Variants in IMPA2 observed in about 807,000 individuals in gnomAD.
The protein encoded by IMPA2 is inositol monophosphatase 2.
A neutral mutation model predicts 35.1 loss-of-function variants in IMPA2; 32 were observed. The ratio of observed to expected loss-of-function variants is 0.91; its 90% CI spans 0.69 to 1.23. The LOEUF (loss-of-function observed/expected upper bound fraction) is 1.23. Among genes scored for constraint, IMPA2 ranks in the 50% most tolerant of loss-of-function variants. IMPA2 has a pLI of 0.00. For missense variants in IMPA2, 334 were observed against 387.6 expected, an observed-to-expected ratio of 0.86 and a Z score of 1.16; for synonymous variants, 135 against 160.6, an observed-to-expected ratio of 0.84 and a Z score of 1.20.
intron 2 of IMPA2, among the ~76,000 whole-genome samples, chr18:12,001,210 CAG>C (rs1907107632): frequency 1.3e-5 from 2 of 151,974 alleles, no homozygotes; most frequent in South Asian, 4.2e-4. Context: ...GCCTGTGTGA[CAG>C]AGCAAGACTC....
intron 2 of IMPA2, among the ~76,000 whole-genome samples, chr18:12,005,062 A>G (rs1907213608): frequency 6.6e-6 from 1 of 152,232 alleles, no homozygotes. Context: ...TGGTGCCTCC[A>G]AAGACCGAGC....
intron 2 of IMPA2, among the ~76,000 whole-genome samples, chr18:12,001,210 C>A (rs1035746266): frequency 1.3e-5 from 2 of 151,974 alleles, no homozygotes; most frequent in African/African-American, 4.8e-5. Flanking sequence ...GCCTGTGTGA[C>A]AGAGCAAGAC....
At chr18:12,008,697 T>C in intron 2 of IMPA2, 1 of 379,092 alleles carries the variant, frequency 2.6e-6, no homozygotes, top group South Asian at 1.9e-5. Flanking sequence ...GAGAGTGCTT[T>C]CCCTTGTTTT....
chr18:12,007,641 TTC>T (rs777740421), intron 2 of IMPA2, among the ~76,000 whole-genome samples: 2,308 of 80,214 alleles, frequency 0.029, 66 homozygotes, highest in African/African-American at 0.11. Flanking sequence ...CTTTCTTTCT[TTC>T]TTTCTTTCTT....
intron 1 of IMPA2, among the ~76,000 whole-genome samples, chr18:11,993,625 G>C (rs993590486): frequency 2.0e-5 from 3 of 152,354 alleles, no homozygotes; most frequent in Non-Finnish European, 2.9e-5. Context: ...CAAGTACAGT[G>C]GACTGTGCAG....
At chr18:12,015,063 G>A (rs1907540960) in intron 5 of IMPA2, among the ~76,000 whole-genome samples, 1 of 152,230 alleles carries the variant, frequency 6.6e-6, no homozygotes, top group African/African-American at 2.4e-5. Flanking sequence ...GACAGGTACT[G>A]TAGGGAACAG....
At chr18:12,017,508 G>A (rs763514407) in intron 5 of IMPA2, 13 of 295,778 alleles carry the variant, frequency 4.4e-5, no homozygotes, top group East Asian at 1.5e-4. Context: ...CATAGTCTGC[G>A]TTCTGGGGGG....
intron 4 of IMPA2, among the ~76,000 whole-genome samples, chr18:12,013,518 G>A (rs911968175): frequency 6.6e-6 from 1 of 152,238 alleles, no homozygotes; most frequent in African/African-American, 2.4e-5. Context: ...CATTTGGCCA[G>A]GGTGTTTTTT....
chr18:12,011,277 C>T (rs552205724), intron 3 of IMPA2, among the ~76,000 whole-genome samples: 3 of 152,206 alleles, frequency 2.0e-5, no homozygotes, highest in Admixed American at 6.5e-5. Context: ...CTGAACCCCA[C>T]GCTATAGCTG....
intron 2 of IMPA2, among the ~76,000 whole-genome samples, chr18:12,002,341 T>A (rs963667325): frequency 2.6e-5 from 4 of 152,234 alleles, no homozygotes; most frequent in African/African-American, 7.2e-5. Context: ...ATATTAAAAA[T>A]AGACTTAATA....
intron 1 of IMPA2, among the ~76,000 whole-genome samples, chr18:11,986,452 C>G (rs919925960): frequency 6.6e-6 from 1 of 152,118 alleles, no homozygotes; most frequent in Non-Finnish European, 1.5e-5. Flanking sequence ...TTTATTTATC[C>G]TTGCCTGGTG....
intron 4 of IMPA2, among the ~76,000 whole-genome samples, chr18:12,013,822 T>G (rs920674132): frequency 6.6e-6 from 1 of 152,202 alleles, no homozygotes; most frequent in Non-Finnish European, 1.5e-5. Context: ...GTCCTTGGGC[T>G]TCTGAGATTC....
intron 1 of IMPA2, among the ~76,000 whole-genome samples, chr18:11,982,501 G>A (rs73402739): frequency 0.082 from 12,502 of 152,174 alleles, 717 homozygotes; most frequent in African/African-American, 0.15. Flanking sequence ...TGTCTCTTAG[G>A]ATGTGATTGT....
At chr18:12,026,426 A>C (rs188271347) in intron 5 of IMPA2, among the ~76,000 whole-genome samples, 1 of 152,342 alleles carries the variant, frequency 6.6e-6, no homozygotes, top group East Asian at 1.9e-4. Flanking sequence ...TAGATTAGCC[A>C]ACAAAATTCT....
intron 1 of IMPA2, among the ~76,000 whole-genome samples, chr18:11,990,672 G>A (rs975799513): frequency 6.6e-6 from 1 of 152,218 alleles, no homozygotes; most frequent in Non-Finnish European, 1.5e-5. Context: ...GGACTTCTGG[G>A]TTTCTGGCTC....
At chr18:12,028,224 CCT>C in intron 6 of IMPA2, 73 bp downstream of exon 6, 1 of 1,002,540 alleles carries the variant, frequency 1.0e-6, no homozygotes. Flanking sequence ...CTAAAACTCC[CCT>C]GGGATTTGAG....
At chr18:12,014,729 G>A (rs1371450575) in intron 5 of IMPA2, among the ~76,000 whole-genome samples, 8 of 151,864 alleles carry the variant, frequency 5.3e-5, no homozygotes, top group South Asian at 2.1e-4. Flanking sequence ...CGGTGGTCCC[G>A]ATTTTGCCCA....
chr18:11,985,164 A>G (rs1361081873), intron 1 of IMPA2, among the ~76,000 whole-genome samples: 1 of 151,144 alleles, frequency 6.6e-6, no homozygotes, highest in Non-Finnish European at 1.5e-5. Context: ...AAAAAAAAAA[A>G]AAAAAGAGAA....
At chr18:12,021,075 T>A (rs1471055176) in intron 5 of IMPA2, among the ~76,000 whole-genome samples, 1 of 152,072 alleles carries the variant, frequency 6.6e-6, no homozygotes, top group Non-Finnish European at 1.5e-5. Context: ...CCCTCTTCAT[T>A]GTTTTTGTGA....
Sources: gnomAD v4.1 joint callset for allele counts (sites outside exome capture counted in the v4.1 genomes callset) on GRCh38, gnomAD v4.1.1 for gene constraint, MANE v1.5 for transcripts, NCBI Gene and HGNC (gene_info 2026-07-23, HGNC 2026-07-21) for gene names.